FYB1: variants seen among roughly 807,000 people sequenced by gnomAD.
The protein encoded by FYB1 is FYN-binding protein 1.
FYB1 carries 41 observed loss-of-function variants against 94.1 expected under a neutral mutation model. That is an observed-to-expected ratio of 0.44 (90% CI 0.34 to 0.57). FYB1 has a LOEUF of 0.57. FYB1 is among the 20% of genes least tolerant of loss of function. The probability of loss-of-function intolerance (pLI) is 0.02; values close to 1 mark genes in which losing one functional copy is unlikely to be tolerated. For synonymous variants in FYB1, 367 were observed against 353.2 expected (o/e 1.04, Z -0.44); for missense variants, 1,050 against 976.8 (o/e 1.07, Z -1.00).
chr5:39,142,339 G>A (rs942685476), intron 3 of FYB1, among the ~76,000 whole-genome samples: 6 of 152,064 alleles, frequency 3.9e-5, no homozygotes, highest in African/African-American at 1.4e-4. Context: ...TGATGAAGCA[G>A]CAGTCATTAG....
chr5:39,228,462 G>A (rs1750576987), intron 1 of FYB1, among the ~76,000 whole-genome samples: 1 of 152,022 alleles, frequency 6.6e-6, no homozygotes, highest in African/African-American at 2.4e-5. Flanking sequence ...CCCCTCATGG[G>A]ACAAAGATAT....
At chr5:39,139,114 A>C (rs1561161698) in intron 5 of FYB1, 119 bp downstream of exon 5, 1 of 1,066,740 alleles carries the variant, frequency 9.4e-7, no homozygotes, top group East Asian at 2.8e-5. Context: ...GAAATGGAAA[A>C]ATATCATTGC....
At chr5:39,123,840 A>G (rs937391694) in intron 13 of FYB1, among the ~76,000 whole-genome samples, 1 of 152,208 alleles carries the variant, frequency 6.6e-6, no homozygotes, top group Admixed American at 6.5e-5. Flanking sequence ...CAAATACAAT[A>G]TAAACTATCC....
At chr5:39,209,389 C>T (rs1013816812) in intron 1 of FYB1, among the ~76,000 whole-genome samples, 19 of 151,412 alleles carry the variant, frequency 1.3e-4, no homozygotes, top group African/African-American at 3.6e-4. Flanking sequence ...TGCAGTAGCG[C>T]GATCTTGGCT....
At chr5:39,261,371 C>CA (rs1752210515) in intron 1 of FYB1, among the ~76,000 whole-genome samples, 1 of 145,778 alleles carries the variant, frequency 6.9e-6, no homozygotes, top group South Asian at 2.2e-4. Context: ...CACACACACA[C>CA]AAAGAAATTG....
chr5:39,180,866 T>C (rs1455749239), intron 2 of FYB1, among the ~76,000 whole-genome samples: 1 of 152,178 alleles, frequency 6.6e-6, no homozygotes, highest in East Asian at 1.9e-4. Context: ...ATTACCACCG[T>C]ACATTTTTTA....
At chr5:39,147,452 C>CTCTGTG (rs1554026377) in intron 3 of FYB1, among the ~76,000 whole-genome samples, 1 of 144,516 alleles carries the variant, frequency 6.9e-6, no homozygotes, top group Non-Finnish European at 1.5e-5. Flanking sequence ...GTACATATGC[C>CTCTGTG]TGTGTGTGTG....
chr5:39,129,906 G>A (rs1359205339), intron 10 of FYB1, among the ~76,000 whole-genome samples: 1 of 151,936 alleles, frequency 6.6e-6, no homozygotes, highest in Non-Finnish European at 1.5e-5. Flanking sequence ...CTCACTACTG[G>A]ATATTTTTCT....
intron 2 of FYB1, among the ~76,000 whole-genome samples, chr5:39,175,886 T>G (rs557318362): frequency 2.6e-5 from 4 of 152,252 alleles, no homozygotes; most frequent in African/African-American, 7.2e-5. Flanking sequence ...GAGTCTAAAA[T>G]TCCTATGATA....
intron 1 of FYB1, 123 bp from the exon 2 acceptor site, chr5:39,203,110 T>G: frequency 1.3e-6 from 1 of 762,078 alleles, no homozygotes; most frequent in East Asian, 2.6e-5. Context: ...GTTAGCAAGA[T>G]ATTGTAACAT....
intron 2 of FYB1, among the ~76,000 whole-genome samples, chr5:39,157,243 A>G (rs1743842765): frequency 6.6e-6 from 1 of 152,134 alleles, no homozygotes; most frequent in Admixed American, 6.6e-5. Context: ...AATTAAATGA[A>G]AATTATTACT....
intron 2 of FYB1, among the ~76,000 whole-genome samples, chr5:39,198,939 A>C (rs1358287789): frequency 6.6e-6 from 1 of 152,060 alleles, no homozygotes; most frequent in Non-Finnish European, 1.5e-5. Context: ...AAAGTATTAA[A>C]CTTGCAATCT....
chr5:39,213,467 G>A (rs1199753515), intron 1 of FYB1, among the ~76,000 whole-genome samples: 2 of 152,178 alleles, frequency 1.3e-5, no homozygotes, highest in Non-Finnish European at 2.9e-5. Flanking sequence ...CAAGGGATGT[G>A]ATAACATTTG....
intron 6 of FYB1, chr5:39,138,004 A>G (rs1741811508): frequency 5.0e-6 from 2 of 401,046 alleles, no homozygotes; most frequent in Non-Finnish European, 9.1e-6. Context: ...GTATGTTCGC[A>G]TAAATAGAAT....
chr5:39,231,163 A>AAAAAAAAAAAAAAAAAAAC (rs1561294075), intron 1 of FYB1, among the ~76,000 whole-genome samples: 2 of 118,956 alleles, frequency 1.7e-5, no homozygotes, highest in Non-Finnish European at 3.2e-5. Context: ...AAAAAAAAAC[A>AAAAAAAAAAAAAAAAAAAC]AAAAAAAACA....
At chr5:39,204,104 C>T (rs1748624235) in intron 1 of FYB1, among the ~76,000 whole-genome samples, 1 of 152,112 alleles carries the variant, frequency 6.6e-6, no homozygotes, top group Admixed American at 6.5e-5. Context: ...GCCCCATACC[C>T]AGGCACATTT....
intron 2 of FYB1, among the ~76,000 whole-genome samples, chr5:39,195,341 C>T (rs1371099175): frequency 6.6e-6 from 1 of 152,078 alleles, no homozygotes; most frequent in Non-Finnish European, 1.5e-5. Context: ...AAACAGTTTT[C>T]AATATGTAAA....
chr5:39,198,570 G>A (rs260080), intron 2 of FYB1, among the ~76,000 whole-genome samples: 4,997 of 152,130 alleles, frequency 0.033, 258 homozygotes, highest in African/African-American at 0.11. Context: ...CTTTATGATG[G>A]TACAAAAGCA....
intron 2 of FYB1, among the ~76,000 whole-genome samples, chr5:39,199,144 T>C (rs1021606966): frequency 6.6e-6 from 1 of 151,904 alleles, no homozygotes; most frequent in Non-Finnish European, 1.5e-5. Context: ...TATTTTCTAC[T>C]TACATACTCC....
Sources: gnomAD v4.1 joint callset for allele counts (sites outside exome capture counted in the v4.1 genomes callset) on GRCh38, gnomAD v4.1.1 for gene constraint, MANE v1.5 for transcripts, NCBI Gene and HGNC (gene_info 2026-07-23, HGNC 2026-07-21) for gene names.